The following DDX54 variants were observed in gnomAD, a reference collection of about 807,000 sequenced individuals.
DDX54 encodes the protein DEAD-box helicase 54.
A neutral mutation model predicts 105.5 loss-of-function variants in DDX54; 67 were observed. That is an observed-to-expected ratio of 0.64 (90% CI 0.52 to 0.78). DDX54 has a LOEUF of 0.78. Ranked by LOEUF, DDX54 falls within the 30% of genes least tolerant of loss-of-function variation. The pLI, the probability that DDX54 is intolerant of heterozygous loss-of-function variation, is 0.00. For missense variants in DDX54, 1,206 were observed against 1,230.5 expected (o/e 0.98, Z 0.30); for synonymous variants, 514 against 509.9 (o/e 1.01, Z -0.11).
intron 2 of DDX54, among the ~76,000 whole-genome samples, chr12:113,180,206 T>C (rs1224101576): frequency 1.3e-5 from 2 of 152,208 alleles, no homozygotes. Flanking sequence ...GATTTTCTGA[T>C]GTGAACCCAC....
chr12:113,180,950 A>ACTT lies in DDX54; in HGVS notation c.280_282dup (p.Lys94dup), dbSNP rs147593229. Reference sequence around the variant, plus strand: ...CCACCCATGGACTGGAAGCCTCCAGACTTCTTCTTCTTCTTGTTCTGGGCA... The same window carrying ACTT: ...CCACCCATGGACTGGAAGCCTCCAGACTTCTTCTTCTTCTTCTTGTTCTGGGCA... On this transcript the variant is annotated inframe_insertion, in exon 2 of 20. Coordinates refer to ENST00000306014, the MANE Select transcript of DDX54 (RefSeq NM_024072.4). 0.011 allele frequency: 17,820 copies of ACTT among 1,613,096 alleles called. 260 individuals are homozygous for ACTT. The highest frequency in any genetic ancestry group is 0.069 in the East Asian group (3,096 of 44,688).
chr12:113,179,411 G>C, intron 3 of DDX54, 80 bp from the exon 4 acceptor site: 1 of 1,481,328 alleles, frequency 6.8e-7, no homozygotes, highest in Non-Finnish European at 9.1e-7. Context: ...GCCCTGAGGA[G>C]TGGGCATGCT....
At position 113,165,386 on chromosome 12, in the gene DDX54, T is replaced by G. The variant is rs753561044; in HGVS notation, c.1719+258A>C. The stretch of plus-strand genomic sequence containing the variant: ...TAAGTGCTAGGGAATGGCTGCCCCA[T>G]AGGACCTGCTGTGAGCCAGCAGGGA... On this transcript the variant is annotated intron_variant, in intron 14 of 19. Coordinates refer to ENST00000306014, the MANE Select transcript of DDX54 (RefSeq NM_024072.4). 1.3e-5 allele frequency among the ~76,000 whole-genome samples: 2 copies of G among 152,188 alleles called. 1 individual carries two copies. Among genetic ancestry groups the G allele is most frequent in the South Asian group, 4.1e-4 (2 of 4,824 alleles).
chr12:113,164,159 C>T lies in DDX54; in HGVS notation c.1846G>A (p.Glu616Lys), dbSNP rs1487486118. ...QGQQGRQEQQ[E>K]GPVGPAPSRP... Reference sequence around the variant, plus strand: ...CTCGGGGCTGGGCCCACTGGGCCCTCCTGCTGCTCCTGCCGCCCCTGCTGT... The same window carrying T: ...CTCGGGGCTGGGCCCACTGGGCCCTTCTGCTGCTCCTGCCGCCCCTGCTGT... Residue 616 changes from glutamate (E) to lysine (K), a missense_variant, in exon 15 of 20, where the codon GAG (glutamate) becomes AAG (lysine). Glu to Lys is a moderately conservative substitution (Grantham distance 56). Coordinates refer to ENST00000306014, the MANE Select transcript of DDX54 (RefSeq NM_024072.4). 6.4e-7 allele frequency: 1 copy of T among 1,555,126 alleles called. No homozygotes were observed. Among genetic ancestry groups the T allele is most frequent in the East Asian group, 2.4e-5 (1 of 41,578 alleles).
Position 113,163,611 on chromosome 12 carries a change from C to A in DDX54, c.1939-337G>T, listed in dbSNP as rs937678338. Among the ~76,000 whole-genome samples the A allele has an allele frequency of 6.6e-6, 1 of 152,166 alleles. No individual in the cohort carries two copies. Among genetic ancestry groups the A allele is most frequent in the African/African-American group, 2.4e-5 (1 of 41,432 alleles). On this transcript the variant is annotated intron_variant, in intron 15 of 19. Coordinates refer to ENST00000306014, the MANE Select transcript of DDX54 (RefSeq NM_024072.4). This position sits in a 1 kb window ranked among gnomAD's most constrained non-coding sequence, Gnocchi z 5.9. Reference sequence around the variant, plus strand: ...CGGCCCTGCCCCTCTCTGCGCCTGGCCTGCTCTGAACAACATGGACTAGGC... The same window carrying A: ...CGGCCCTGCCCCTCTCTGCGCCTGGACTGCTCTGAACAACATGGACTAGGC...
chr12:113,174,158 G>A (rs1291599669), intron 10 of DDX54, among the ~76,000 whole-genome samples: 9 of 148,842 alleles, frequency 6.0e-5, no homozygotes, highest in African/African-American at 1.2e-4. Flanking sequence ...CAGCCTGGGC[G>A]ACAGAGTGAG....
Position 113,157,714 on chromosome 12 carries a change from CT to C in DDX54, c.*1162del. On this transcript the variant is annotated 3_prime_UTR_variant, in exon 20 of 20. Coordinates refer to ENST00000306014, the MANE Select transcript of DDX54 (RefSeq NM_024072.4). The stretch of plus-strand genomic sequence containing the variant: ...AGGTGAGCAGCGGGAGAGGGAACCC[CT>C]GAGAGACCCTGAGATAGGAGGGCCC... The C allele has an allele frequency of 6.9e-7, 1 of 1,450,782 alleles. No individual in the cohort carries two copies. Among genetic ancestry groups the C allele is most frequent in the Non-Finnish European group, 9.4e-7 (1 of 1,059,946 alleles). The allele number at this position is 1,450,782 out of a possible 1,614,324, so 89.9% of individuals were successfully genotyped here.
chr12:113,180,313 G>A (rs1203960586), intron 2 of DDX54, among the ~76,000 whole-genome samples: 1 of 152,076 alleles, frequency 6.6e-6, no homozygotes, highest in Non-Finnish European at 1.5e-5. Context: ...GTAAGGTCCT[G>A]CGCCTCTTGG....
rs1440498551 is a variant in DDX54, at chr12:113,180,993, G to A, written c.240C>T (p.Asp80=). 9.3e-6 allele frequency: 15 copies of A among 1,613,614 alleles called. No individual in the cohort carries two copies. In the East Asian group the frequency reaches 3.3e-4, roughly 36 times the overall value. Residue 80 remains aspartate, a synonymous_variant, in exon 2 of 20, where the codon GAC becomes GAT. Coordinates refer to ENST00000306014, the MANE Select transcript of DDX54 (RefSeq NM_024072.4). Reference sequence around the variant, plus strand: ...TCTGGGCACGCACCATCTCCCGGGTGTCCGGCTCCACATCCGAGGTGCATT... The same window carrying A: ...TCTGGGCACGCACCATCTCCCGGGTATCCGGCTCCACATCCGAGGTGCATT... ...TSECTSDVEP[D]TREMVRAQNK...
chr12:113,168,087 C>A, intron 12 of DDX54: 2 of 382,568 alleles, frequency 5.2e-6, no homozygotes, highest in Admixed American at 6.1e-5. Flanking sequence ...CAGGCCGCCC[C>A]CCACCCCGGC....
Position 113,169,826 on chromosome 12 carries a change from A to G in DDX54, c.1358T>C (p.Leu453Pro), listed in dbSNP as rs1952315711. 1 of 1,614,124 alleles carries G rather than the reference A, an allele frequency of 6.2e-7. No individual in the cohort carries two copies. The highest frequency in any genetic ancestry group is 8.5e-7 in the Non-Finnish European group (1 of 1,180,022). ...APDEIPYLLD[L>P]HLFLGRSLTL... ...GAGGGAGCGGCCCAGGAACAGGTGCAGATCCAGCAGGTAGGGGATTTCATC... is the reference window on the plus strand; with the variant it reads ...GAGGGAGCGGCCCAGGAACAGGTGCGGATCCAGCAGGTAGGGGATTTCATC... The change falls in exon 12 of 20, where the codon CTG becomes CCG. Residue 453 changes from leucine to proline, a missense_variant. Transcript: ENST00000306014.
chr12:113,174,611 G>GTGCTCCTCCCACTCAGGACCC, intron 10 of DDX54, 29 bp downstream of exon 10: 1 of 1,603,594 alleles, frequency 6.2e-7, no homozygotes. Flanking sequence ...GCTGAAGGAG[G>GTGCTCCTCCCACTCAGGACCC]TGCTCCTCCC....
intron 2 of DDX54, 57 bp downstream of exon 2, chr12:113,180,872 C>A: frequency 6.2e-7 from 1 of 1,607,226 alleles, no homozygotes; most frequent in Non-Finnish European, 8.5e-7. Context: ...AGTGCAGAGG[C>A]GGGGTTGACC....
At chr12:113,159,695 G>C (rs567546933) in intron 19 of DDX54, among the ~76,000 whole-genome samples, 2 of 152,076 alleles carry the variant, frequency 1.3e-5, no homozygotes, top group Non-Finnish European at 2.9e-5. Context: ...ATCAAAGAAG[G>C]CCAGAGAGGG....
Position 113,157,266 on chromosome 12 carries a change from A to T in DDX54, c.*1611T>A, listed in dbSNP as rs1952139307. The T allele has an allele frequency of 3.3e-6, 1 of 303,494 alleles. No individual in the cohort carries two copies. Among genetic ancestry groups the T allele is most frequent in the African/African-American group, 2.1e-5 (1 of 47,858 alleles). The allele number at this position is 303,494 out of a possible 1,614,324, so 18.8% of individuals were successfully genotyped here. On this transcript the variant is annotated 3_prime_UTR_variant, in exon 20 of 20. Coordinates refer to ENST00000306014, the MANE Select transcript of DDX54 (RefSeq NM_024072.4). ...GAGAGCCACCCACGGAGATAAGAGTAGGTCACAAACCAATGAATATGACTG... is the reference window on the plus strand; with the variant it reads ...GAGAGCCACCCACGGAGATAAGAGTTGGTCACAAACCAATGAATATGACTG...
rs1433495438 is a variant in DDX54, at chr12:113,169,848, C to T, written c.1336G>A (p.Glu446Lys). 6.2e-7 allele frequency: 1 copy of T among 1,613,918 alleles called. No individual in the cohort carries two copies. The highest frequency in any genetic ancestry group is 8.5e-7 in the Non-Finnish European group (1 of 1,180,028). The change falls in exon 12 of 20, where the codon GAA (glutamate) becomes AAA (lysine). Residue 446 changes from glutamate (E) to lysine (K), a missense_variant. Physicochemically the swap from Glu to Lys is moderately conservative, Grantham distance 56 (BLOSUM62 1). This residue lies in a region of DDX54 where 961 missense variants were observed against 1,019.1 expected (regional missense o/e 0.94). Coordinates refer to ENST00000306014, the MANE Select transcript of DDX54 (RefSeq NM_024072.4). The part of the protein sequence containing the change: ...GTAYSLVAPD[E>K]IPYLLDLHLF... ...TGCAGATCCAGCAGGTAGGGGATTTCATCAGGGGCCACCAAGGAGTAGGCT... is the reference window on the plus strand; with the variant it reads ...TGCAGATCCAGCAGGTAGGGGATTTTATCAGGGGCCACCAAGGAGTAGGCT...
intron 1 of DDX54, among the ~76,000 whole-genome samples, chr12:113,182,149 T>C (rs1952475298): frequency 6.6e-6 from 1 of 152,162 alleles, no homozygotes; most frequent in Non-Finnish European, 1.5e-5. Flanking sequence ...TATTGTTCTG[T>C]CCATTTTACA....
chr12:113,184,798 C>T (rs992450748), intron 1 of DDX54, among the ~76,000 whole-genome samples: 2 of 152,182 alleles, frequency 1.3e-5, no homozygotes, highest in African/African-American at 2.4e-5. Context: ...TGCACTCCGG[C>T]ATGAGCAACA....
chr12:113,178,433 C>G (rs1952429813), intron 5 of DDX54: 1 of 152,244 alleles, frequency 6.6e-6, no homozygotes, highest in African/African-American at 2.4e-5. Context: ...TTAAGCCAGT[C>G]AAATTTAGCA....
Sources: gnomAD v4.1 joint callset for allele counts (sites outside exome capture counted in the v4.1 genomes callset) on GRCh38, gnomAD v4.1.1 for gene constraint, gnomAD v4.1.1 regional missense constraint, Gnocchi (gnomAD v3.1) non-coding constraint, MANE v1.5 for transcripts, NCBI Gene and HGNC (gene_info 2026-07-23, HGNC 2026-07-21) for gene names.